The following BPIFC variants were observed in gnomAD, a reference collection of about 807,000 sequenced individuals.
The protein encoded by BPIFC is BPI fold containing family C.
Under a neutral mutation model 57.6 loss-of-function variants are expected in BPIFC, and 60 were observed. The ratio of observed to expected loss-of-function variants is 1.04; its 90% confidence interval spans 0.85 to 1.29. BPIFC has a LOEUF of 1.29. Ranked by LOEUF, BPIFC falls within the 50% of genes most tolerant of loss-of-function variation. BPIFC has a pLI of 0.00. For missense variants in BPIFC, 581 were observed against 600.5 expected, an observed-to-expected ratio of 0.97 and a Z score of 0.34; for synonymous variants, 243 against 224.5, an observed-to-expected ratio of 1.08 and a Z score of -0.74.
Position 32,436,992 on chromosome 22 carries a change from GT to G in BPIFC, c.747+767del. The stretch of plus-strand genomic sequence containing the variant: ...AAAATGAAACATAACCACAATGATT[GT>G]TTTTCCATGATCAGTGAACACTAAT... On this transcript the variant is annotated intron_variant, in intron 9 of 16. Transcript: ENST00000300399. Among the ~76,000 whole-genome samples the G allele has an allele frequency of 1.3e-5, 2 of 152,340 alleles. 1 individual carries two copies. Among genetic ancestry groups the G allele is most frequent in the East Asian group, 3.9e-4 (2 of 5,180 alleles).
chr22:32,416,518 T>G (rs1933683381), intron 15 of BPIFC, among the ~76,000 whole-genome samples: 2 of 152,242 alleles, frequency 1.3e-5, no homozygotes, highest in Admixed American at 6.5e-5. Flanking sequence ...TACAATTATG[T>G]TCATTTGGAC....
Position 32,432,367 on chromosome 22 carries a change from A to G in BPIFC, c.1149+6T>C. ...ACAGGCTGCTCCACTGTCTCCCCAG[A>G]CTTACGAAGTCCATGGAAACGATGG... On this transcript the variant is annotated splice_donor_region_variant and intron_variant, in intron 12 of 16. Coordinates refer to ENST00000300399, the MANE Select transcript of BPIFC (RefSeq NM_174932.3). 2 of 1,613,768 alleles carry G rather than the reference A, an allele frequency of 1.2e-6. No homozygotes were observed. Among genetic ancestry groups the G allele is most frequent in the Non-Finnish European group, 1.7e-6 (2 of 1,179,962 alleles).
At chr22:32,416,489 G>A (rs563608775) in intron 15 of BPIFC, among the ~76,000 whole-genome samples, 1 of 152,204 alleles carries the variant, frequency 6.6e-6, no homozygotes, top group Admixed American at 6.5e-5. Flanking sequence ...ATTAATCTGT[G>A]ATTAATAAAA....
chr22:32,448,308 C>T (rs945012012), intron 4 of BPIFC, among the ~76,000 whole-genome samples: 7 of 151,830 alleles, frequency 4.6e-5, no homozygotes, highest in African/African-American at 1.2e-4. Flanking sequence ...GACCTGACCT[C>T]GTGATCTGCC....
At chr22:32,417,902 C>T (rs988968727) in intron 14 of BPIFC, among the ~76,000 whole-genome samples, 3 of 151,914 alleles carry the variant, frequency 2.0e-5, no homozygotes, top group Admixed American at 6.6e-5. Context: ...TGGAGGCTCA[C>T]TCTGTCGCCC....
intron 13 of BPIFC, 58 bp from the exon 14 acceptor site, chr22:32,419,462 A>G: frequency 6.8e-7 from 1 of 1,463,866 alleles, no homozygotes; most frequent in Non-Finnish European, 9.5e-7. Context: ...AGTAGAAAGA[A>G]ACCAAAAAGT....
intron 9 of BPIFC, among the ~76,000 whole-genome samples, chr22:32,436,352 G>GGAA (rs1569451452): frequency 3.2e-5 from 3 of 94,888 alleles, no homozygotes; most frequent in South Asian, 5.2e-4. Context: ...AGGAAGAGGA[G>GGAA]GAGGAGGAGG....
intron 8 of BPIFC, among the ~76,000 whole-genome samples, chr22:32,438,401 GT>G (rs1405907261): frequency 6.6e-6 from 1 of 151,534 alleles, no homozygotes; most frequent in African/African-American, 2.4e-5. Flanking sequence ...TTTGTTTTTT[GT>G]TTTTTTTGAG....
chr22:32,446,062 A>T, intron 5 of BPIFC, 66 bp from the exon 6 acceptor site: 1 of 1,556,652 alleles, frequency 6.4e-7, no homozygotes, highest in South Asian at 1.2e-5. Context: ...TGTTTCTCTG[A>T]TTACCCAGAG....
intron 4 of BPIFC, among the ~76,000 whole-genome samples, chr22:32,449,480 C>T (rs34629708): frequency 0.047 from 7,137 of 152,266 alleles, 213 homozygotes; most frequent in Non-Finnish European, 0.064. Context: ...GTCTCTGTCA[C>T]GCATCCTGAG....
At chr22:32,429,578 G>T (rs150742646) in intron 13 of BPIFC, among the ~76,000 whole-genome samples, 3 of 142,402 alleles carry the variant, frequency 2.1e-5, no homozygotes, top group African/African-American at 5.3e-5. Context: ...GTGCAGTGGC[G>T]CAATCTCTGC....
chr22:32,428,963 GA>G (rs1934151903), intron 13 of BPIFC, among the ~76,000 whole-genome samples: 1 of 151,842 alleles, frequency 6.6e-6, no homozygotes, highest in South Asian at 2.1e-4. Context: ...AAATTTTAAT[GA>G]AAAAAGAACC....
chr22:32,456,868 C>G (rs73404930), intron 3 of BPIFC, among the ~76,000 whole-genome samples: 1 of 152,104 alleles, frequency 6.6e-6, no homozygotes, highest in Non-Finnish European at 1.5e-5. Context: ...ACCCATATTA[C>G]ATTTTAACCC....
chr22:32,447,293 AC>A lies in BPIFC; in HGVS notation c.292del (p.Val98CysfsTer9). ...TAGCGCTTTGATTCCCACTCCAGGC[AC>A]AAAAGCCAATGAGGTATTTGGAAAT... is the stretch of plus-strand genomic sequence containing the variant. ...FSFPNTSLAF[V>X]PGVGIKALTN... On this transcript the variant is annotated frameshift_variant, in exon 5 of 17. Transcript: ENST00000300399. LOFTEE classifies it high-confidence loss of function. 6.2e-7 allele frequency: 1 copy of A among 1,614,120 alleles called. No individual in the cohort carries two copies.
chr22:32,418,579 A>G (rs1485806777), intron 14 of BPIFC, among the ~76,000 whole-genome samples: 1 of 152,154 alleles, frequency 6.6e-6, no homozygotes, highest in Non-Finnish European at 1.5e-5. Context: ...GTTGAGAACC[A>G]CTGCTTTAGA....
intron 8 of BPIFC, among the ~76,000 whole-genome samples, chr22:32,438,428 A>G (rs1047807200): frequency 6.6e-6 from 1 of 152,094 alleles, no homozygotes; most frequent in South Asian, 2.1e-4. Flanking sequence ...GTCTCACTCT[A>G]TCACCCTGAC....
chr22:32,435,914 A>G (rs752272929), intron 9 of BPIFC, 34 bp from the exon 10 acceptor site: 1 of 1,579,938 alleles, frequency 6.3e-7, no homozygotes, highest in South Asian at 1.2e-5. Flanking sequence ...CCAGTGTATC[A>G]GGTGAAAACT....
At position 32,428,321 on chromosome 22, in the gene BPIFC, G is replaced by A. The variant is rs114113765; in HGVS notation, c.1217+3026C>T. On this transcript the variant is annotated intron_variant, in intron 13 of 16. Transcript: ENST00000300399. ...CTTTTGGACAGGGTCTTGCTCTGTCGCCCAGATTGAGATCATAGCTCACTG... is the reference window on the plus strand; with the variant it reads ...CTTTTGGACAGGGTCTTGCTCTGTCACCCAGATTGAGATCATAGCTCACTG... 1.2e-3 allele frequency among the ~76,000 whole-genome samples: 180 copies of A among 151,010 alleles called. 1 individual carries two copies. The highest frequency in any genetic ancestry group is 4.2e-3 in the African/African-American group (174 of 41,112).
chr22:32,440,164 C>T (rs763363888), intron 8 of BPIFC, among the ~76,000 whole-genome samples: 5 of 152,168 alleles, frequency 3.3e-5, no homozygotes, highest in Non-Finnish European at 7.3e-5. Flanking sequence ...CAAGATCTCA[C>T]TTTGTCACCT....
Sources: gnomAD v4.1 joint callset for allele counts (sites outside exome capture counted in the v4.1 genomes callset) on GRCh38, gnomAD v4.1.1 for gene constraint, MANE v1.5 for transcripts, NCBI Gene and HGNC (gene_info 2026-07-23, HGNC 2026-07-21) for gene names.